Variants in KIF26B observed in about 807,000 individuals in gnomAD.
The protein encoded by KIF26B is kinesin-like protein KIF26B.
In KIF26B, 63 loss-of-function variants were observed where a neutral mutation model predicts 151.2. The ratio of observed to expected loss-of-function variants is 0.42; its 90% CI spans 0.34 to 0.51. KIF26B has a LOEUF of 0.51. Ranked by LOEUF, KIF26B falls within the 20% of genes least tolerant of loss-of-function variation. The pLI is 0.07. For missense variants in KIF26B, 2,813 were observed against 2,913.6 expected (o/e 0.97, Z 0.79); for synonymous variants, 1,357 against 1,262.1 (o/e 1.08, Z -1.59).
intron 10 of KIF26B, among the ~76,000 whole-genome samples, chr1:245,652,570 G>A (rs1438932813): frequency 6.6e-6 from 1 of 152,070 alleles, no homozygotes; most frequent in Non-Finnish European, 1.5e-5. Context: ...CTTAAGAGTT[G>A]AGGCAGAAGC....
chr1:245,620,268 C>T (rs950390632), intron 9 of KIF26B, among the ~76,000 whole-genome samples: 1 of 152,044 alleles, frequency 6.6e-6, no homozygotes, highest in African/African-American at 2.4e-5. Context: ...TCAGTTTTTG[C>T]TTTGAATTTC....
chr1:245,457,724 A>G (rs1356100164), intron 4 of KIF26B, among the ~76,000 whole-genome samples: 1 of 152,214 alleles, frequency 6.6e-6, no homozygotes, highest in Non-Finnish European at 1.5e-5. Context: ...TTCTTTTCTC[A>G]TTCAATATTA....
intron 9 of KIF26B, among the ~76,000 whole-genome samples, chr1:245,639,117 G>A (rs909715917): frequency 6.6e-6 from 1 of 151,778 alleles, no homozygotes; most frequent in Non-Finnish European, 1.5e-5. Flanking sequence ...GCTTCTCTTT[G>A]ATGGGAGACT....
chr1:245,275,415 C>T (rs556300823), intron 2 of KIF26B, among the ~76,000 whole-genome samples: 2 of 152,258 alleles, frequency 1.3e-5, no homozygotes, highest in East Asian at 3.9e-4. Flanking sequence ...TGCCTAGGTC[C>T]TGAATGGTAT....
chr1:245,162,339 C>T (rs1668545182), intron 2 of KIF26B, among the ~76,000 whole-genome samples: 1 of 148,338 alleles, frequency 6.7e-6, no homozygotes, highest in Non-Finnish European at 1.5e-5. Flanking sequence ...CTCCCAATCG[C>T]TCTTTTATAC....
intron 3 of KIF26B, among the ~76,000 whole-genome samples, chr1:245,374,134 T>TATAC (rs1673215457): frequency 1.2e-5 from 1 of 81,484 alleles, no homozygotes; most frequent in Non-Finnish European, 2.3e-5. Context: ...TATATATATA[T>TATAC]ATATGGGCAC....
chr1:245,433,028 T>C (rs1355998262), intron 4 of KIF26B, among the ~76,000 whole-genome samples: 5 of 152,274 alleles, frequency 3.3e-5, no homozygotes, highest in Non-Finnish European at 4.4e-5. Context: ...ATGCTTCTTT[T>C]ATTTTTATCT....
In KIF26B at chr1:245,374,133, ATATATG is replaced by A. The variant is rs1247471877; in HGVS notation, c.999+6767_999+6772del. Among the ~76,000 whole-genome samples, 271 of 105,168 alleles carry A rather than the reference ATATATG, an allele frequency of 2.6e-3. 1 individual carries two copies. The highest frequency in any genetic ancestry group is 3.9e-3 in the Non-Finnish European group (200 of 50,924). 69.0% of individuals were successfully genotyped at this position (105,168 alleles called of 152,430 possible). A position where few individuals can be genotyped will look rare whatever the true frequency, so the allele number is the denominator to read the frequency against. On this transcript the variant is annotated intron_variant, in intron 3 of 14. Transcript: ENST00000407071. ...TATATATATATATATATATATATATATATATGGGCACAAAAGGATGTAAAAGCAACA... is the reference window on the plus strand; with the variant it reads ...TATATATATATATATATATATATATAGGCACAAAAGGATGTAAAAGCAACA...
intron 3 of KIF26B, among the ~76,000 whole-genome samples, chr1:245,400,718 T>G (rs553885912): frequency 6.6e-6 from 1 of 152,192 alleles, no homozygotes; most frequent in Non-Finnish European, 1.5e-5. Context: ...GATTACATGT[T>G]GAAATGATAA....
intron 10 of KIF26B, among the ~76,000 whole-genome samples, chr1:245,652,894 A>G (rs936643043): frequency 6.6e-6 from 1 of 152,078 alleles, no homozygotes; most frequent in Non-Finnish European, 1.5e-5. Context: ...GTAATGGCAC[A>G]TGATGGTCTC....
At chr1:245,280,187 T>C (rs1671013740) in intron 2 of KIF26B, among the ~76,000 whole-genome samples, 1 of 151,858 alleles carries the variant, frequency 6.6e-6, no homozygotes, top group Non-Finnish European at 1.5e-5. Context: ...TAGTGTGGCA[T>C]CTCCACAGTG....
intron 5 of KIF26B, among the ~76,000 whole-genome samples, chr1:245,589,004 T>G (rs989948313): frequency 1.3e-5 from 2 of 152,200 alleles, no homozygotes; most frequent in East Asian, 3.9e-4. Context: ...TCTTCTCCCC[T>G]CTTTTAGTGT....
At chr1:245,457,613 C>T (rs1056529786) in intron 4 of KIF26B, among the ~76,000 whole-genome samples, 13 of 152,100 alleles carry the variant, frequency 8.5e-5, no homozygotes, top group African/African-American at 2.9e-4. Context: ...ACACAGGTGG[C>T]TTTGATTTTG....
chr1:245,192,410 C>T (rs1043295055), intron 2 of KIF26B, among the ~76,000 whole-genome samples: 5 of 151,368 alleles, frequency 3.3e-5, no homozygotes, highest in Non-Finnish European at 7.4e-5. Context: ...CTGCTGGTCT[C>T]CCCTAGTAAA....
intron 4 of KIF26B, among the ~76,000 whole-genome samples, chr1:245,427,913 G>A (rs1276362056): frequency 1.3e-5 from 2 of 152,088 alleles, no homozygotes; most frequent in Non-Finnish European, 2.9e-5. Flanking sequence ...ATGCATAATT[G>A]TGCCATCTAT....
chr1:245,682,921 C>G (rs2044458290), intron 10 of KIF26B, among the ~76,000 whole-genome samples: 1 of 152,218 alleles, frequency 6.6e-6, no homozygotes, highest in African/African-American at 2.4e-5. Flanking sequence ...CCTCCTCCTC[C>G]TCCTCCTCTA....
At chr1:245,401,400 A>G (rs2103027135) in intron 3 of KIF26B, among the ~76,000 whole-genome samples, 1 of 152,324 alleles carries the variant, frequency 6.6e-6, no homozygotes, top group African/African-American at 2.4e-5. Flanking sequence ...CTATAACTGA[A>G]TTTATGGGTG....
chr1:245,246,098 G>GAA (rs199908845), intron 2 of KIF26B, among the ~76,000 whole-genome samples: 37 of 32,236 alleles, frequency 1.1e-3, no homozygotes, highest in African/African-American at 3.3e-3. Flanking sequence ...TCTCAAAAAA[G>GAA]AAAAAAAAAA....
intron 3 of KIF26B, among the ~76,000 whole-genome samples, chr1:245,403,268 G>A (rs571275976): frequency 1.6e-4 from 25 of 152,156 alleles, no homozygotes; most frequent in Non-Finnish European, 2.9e-4. Flanking sequence ...CCACCCTGCC[G>A]AGCTTGACTA....
Sources: allele counts gnomAD v4.1 joint callset (sites outside exome capture counted in the v4.1 genomes callset), GRCh38; gene constraint gnomAD v4.1.1; transcripts MANE v1.5; gene names NCBI Gene and HGNC (gene_info 2026-07-23, HGNC 2026-07-21).